CADPS: variants seen among roughly 807,000 people sequenced by gnomAD.
CADPS encodes the protein calcium dependent secretion activator.
CADPS carries 57 observed loss-of-function variants against 167.3 expected under a neutral mutation model. The ratio of observed to expected loss-of-function variants is 0.34; its 90% CI spans 0.28 to 0.42. The LOEUF (loss-of-function observed/expected upper bound fraction) is 0.42. Ranked by LOEUF, CADPS falls within the 20% of genes least tolerant of loss-of-function variation. The probability of loss-of-function intolerance (pLI) is 1.00; values close to 1 mark genes in which losing one functional copy is unlikely to be tolerated. For synonymous variants in CADPS, 676 were observed against 635.3 expected (o/e 1.06, Z -0.96); for missense variants, 1,414 against 1,738.1 (o/e 0.81, Z 3.32).
intron 3 of CADPS, among the ~76,000 whole-genome samples, chr3:62,688,001 T>C (rs1308241912): frequency 2.0e-5 from 3 of 152,102 alleles, no homozygotes; most frequent in African/African-American, 7.2e-5. Context: ...AACAAGTATT[T>C]ATTGAGCATG....
chr3:62,831,216 A>G (rs1214212985), intron 1 of CADPS, among the ~76,000 whole-genome samples: 2 of 152,314 alleles, frequency 1.3e-5, no homozygotes, highest in South Asian at 2.1e-4. Context: ...AACACTTTAC[A>G]TATACTTAAT....
chr3:62,409,322 A>G (rs1391460007), intron 28 of CADPS, among the ~76,000 whole-genome samples: 1 of 152,260 alleles, frequency 6.6e-6, no homozygotes, highest in Non-Finnish European at 1.5e-5. Context: ...CCTAAAGCAA[A>G]TTCATTCAGC....
chr3:62,723,182 C>T (rs2076127608), intron 3 of CADPS, among the ~76,000 whole-genome samples: 1 of 152,164 alleles, frequency 6.6e-6, no homozygotes, highest in Non-Finnish European at 1.5e-5. Flanking sequence ...GGGAAAAGTA[C>T]AGTGCCTTTA....
At chr3:62,460,586 A>G (rs963694262) in intron 26 of CADPS, among the ~76,000 whole-genome samples, 3 of 152,232 alleles carry the variant, frequency 2.0e-5, no homozygotes, top group African/African-American at 7.2e-5. Flanking sequence ...TGTTCTGTGA[A>G]CAGAAGTGAA....
chr3:62,521,721 C>A (rs2070647421), intron 13 of CADPS, among the ~76,000 whole-genome samples: 1 of 152,182 alleles, frequency 6.6e-6, no homozygotes, highest in Non-Finnish European at 1.5e-5. Flanking sequence ...GGTCTTCTTG[C>A]TTTCAGGCTT....
intron 3 of CADPS, among the ~76,000 whole-genome samples, chr3:62,698,125 G>T (rs1282201974): frequency 1.3e-5 from 2 of 151,964 alleles, no homozygotes; most frequent in East Asian, 3.9e-4. Context: ...GGATGCTGTA[G>T]CATCACCCAC....
chr3:62,501,462 A>G (rs531525147), intron 17 of CADPS, among the ~76,000 whole-genome samples: 1 of 152,318 alleles, frequency 6.6e-6, no homozygotes, highest in South Asian at 2.1e-4. Context: ...ACATTTACAC[A>G]TCAATTTGCA....
chr3:62,445,447 G>A (rs1187757031), intron 27 of CADPS, among the ~76,000 whole-genome samples: 1 of 152,066 alleles, frequency 6.6e-6, no homozygotes, highest in East Asian at 1.9e-4. Context: ...GTGCACACAG[G>A]AGGGTTGGTG....
Position 62,532,931 on chromosome 3 carries a change from A to G in CADPS, c.2231T>C (p.Ile744Thr). The change falls in exon 13 of 30, where the codon ATC (isoleucine) becomes ACC (threonine). Residue 744 changes from isoleucine (I) to threonine (T), a missense_variant. Ile to Thr is a moderately conservative substitution (Grantham distance 89). This residue lies in a region of CADPS where 529 missense variants were observed against 629.6 expected (regional missense o/e 0.84). Coordinates refer to ENST00000383710, the MANE Select transcript of CADPS (RefSeq NM_003716.4). Reference sequence around the variant, plus strand: ...GCTGTAGTGAAGAAGGGTGGGGTCGATCATGGCGCCATTTTCTGCCCGTTC... The same window carrying G: ...GCTGTAGTGAAGAAGGGTGGGGTCGGTCATGGCGCCATTTTCTGCCCGTTC... ...LLERAENGAM[I>T]DPTLLHYSFA... 6.2e-7 allele frequency: 1 copy of G among 1,613,732 alleles called. No individual in the cohort carries two copies. The highest frequency in any genetic ancestry group is 8.5e-7 in the Non-Finnish European group (1 of 1,179,826).
chr3:62,422,839 C>T (rs2051742884), intron 28 of CADPS, among the ~76,000 whole-genome samples: 2 of 152,162 alleles, frequency 1.3e-5, no homozygotes, highest in African/African-American at 2.4e-5. Flanking sequence ...GTCAACAGTA[C>T]CTCATTGGAA....
chr3:62,728,334 G>A (rs1014112701), intron 3 of CADPS, among the ~76,000 whole-genome samples: 6 of 151,760 alleles, frequency 4.0e-5, no homozygotes, highest in African/African-American at 1.2e-4. Flanking sequence ...GATGTTATAT[G>A]TTCCTTACTA....
rs554197608 is a variant in CADPS at position 62,855,091 on chromosome 3, A to ATTTTTTTT, written c.441+19490_441+19497dup. On this transcript the variant is annotated intron_variant, in intron 1 of 29. Coordinates refer to ENST00000383710, the MANE Select transcript of CADPS (RefSeq NM_003716.4). ...AGGCACGTGCCATCATGCCCGGCTA[A>ATTTTTTTT]TTTTTTTTTTTTTTTTTTGTCTTTT... 2.3e-3 allele frequency among the ~76,000 whole-genome samples: 211 copies of ATTTTTTTT among 92,660 alleles called. 12 individuals carry two copies. The highest frequency in any genetic ancestry group is 7.4e-3 in the South Asian group (15 of 2,024). 60.8% of individuals were successfully genotyped at this position (92,660 alleles called of 152,430 possible).
chr3:62,843,022 T>C (rs2076863699), intron 1 of CADPS, among the ~76,000 whole-genome samples: 1 of 152,190 alleles, frequency 6.6e-6, no homozygotes, highest in African/African-American at 2.4e-5. Context: ...AAAATAAAAA[T>C]GATGATTCAT....
chr3:62,808,373 G>A (rs2094216923), intron 1 of CADPS, among the ~76,000 whole-genome samples: 2 of 152,078 alleles, frequency 1.3e-5, no homozygotes, highest in South Asian at 4.1e-4. Context: ...AGTGGACAAA[G>A]AGAGAGAGCC....
chr3:62,425,613 T>C (rs78201481), intron 28 of CADPS, among the ~76,000 whole-genome samples: 3,779 of 152,220 alleles, frequency 0.025, 62 homozygotes, highest in East Asian at 0.086. Flanking sequence ...ATTACACGCA[T>C]ATAAAAAGAA....
chr3:62,626,718 C>T (rs1262632973), intron 6 of CADPS: 2 of 544,464 alleles, frequency 3.7e-6, no homozygotes, highest in Admixed American at 3.4e-5. Context: ...ATGGTTTTTA[C>T]TGAAGTTATT....
intron 3 of CADPS, among the ~76,000 whole-genome samples, chr3:62,721,335 G>A (rs928877095): frequency 6.6e-6 from 1 of 151,902 alleles, no homozygotes; most frequent in Non-Finnish European, 1.5e-5. Context: ...GTTCACCAGG[G>A]GGGCATTTTA....
intron 6 of CADPS, among the ~76,000 whole-genome samples, chr3:62,633,328 A>C (rs1465255266): frequency 2.0e-5 from 3 of 152,156 alleles, no homozygotes; most frequent in African/African-American, 7.2e-5. Context: ...ATTGCTGCTC[A>C]TGCCTCATGC....
chr3:62,761,760 G>A (rs570388923), intron 2 of CADPS, among the ~76,000 whole-genome samples: 2 of 152,168 alleles, frequency 1.3e-5, no homozygotes, highest in Admixed American at 1.3e-4. Context: ...GAAAAGGTGT[G>A]AGGAACACAG....
Sources: gnomAD v4.1 joint callset for allele counts (sites outside exome capture counted in the v4.1 genomes callset) on GRCh38, gnomAD v4.1.1 for gene constraint, gnomAD v4.1.1 regional missense constraint, MANE v1.5 for transcripts, NCBI Gene and HGNC (gene_info 2026-07-23, HGNC 2026-07-21) for gene names.